SREK1: variants seen among roughly 807,000 people sequenced by gnomAD.
SREK1 encodes the protein splicing regulatory glutamic acid and lysine rich protein 1.
SREK1 carries 13 observed loss-of-function variants against 66.5 expected under a neutral mutation model. The ratio of observed to expected loss-of-function variants is 0.20; its 90% CI spans 0.13 to 0.31. SREK1 has a LOEUF of 0.31. Ranked by LOEUF, SREK1 falls within the 10% of genes least tolerant of loss-of-function variation. SREK1 has a pLI of 1.00. For synonymous variants in SREK1, 265 were observed against 263.5 expected, an observed-to-expected ratio of 1.01 and a Z score of -0.05; for missense variants, 607 against 769.6, an observed-to-expected ratio of 0.79 and a Z score of 2.50.
intron 3 of SREK1, among the ~76,000 whole-genome samples, chr5:66,160,022 C>T (rs183886870): frequency 9.2e-4 from 139 of 151,730 alleles, no homozygotes; most frequent in African/African-American, 3.3e-3. Flanking sequence ...CCCAGCTGCT[C>T]GGGAGGCCGA....
In SREK1 at chr5:66,176,221, G is replaced by A. The variant is rs80348960; in HGVS notation, c.1580+1180G>A. On this transcript the variant is annotated intron_variant, in intron 10 of 11. Transcript: ENST00000334121. ...TAGTTTGATATGTTGCCTTTGTCATGTGCTGTGTTTTTCTGTGTGTTTGGG... is the reference window on the plus strand; with the variant it reads ...TAGTTTGATATGTTGCCTTTGTCATATGCTGTGTTTTTCTGTGTGTTTGGG... 5.9e-3 allele frequency among the ~76,000 whole-genome samples: 904 copies of A among 152,210 alleles called. 14 individuals are homozygous for A. The highest frequency in any genetic ancestry group is 0.021 in the African/African-American group (867 of 41,548).
intron 2 of SREK1, chr5:66,156,193 T>A: frequency 7.7e-7 from 1 of 1,292,628 alleles, no homozygotes; most frequent in Non-Finnish European, 9.8e-7. Flanking sequence ...CCGCAGAAGA[T>A]GGACGCCCTG....
chr5:66,164,791 A>G lies in SREK1; in HGVS notation c.895A>G (p.Lys299Glu). 6.2e-7 allele frequency: 1 copy of G among 1,614,080 alleles called. No individual in the cohort carries two copies. Among genetic ancestry groups the G allele is most frequent in the African/African-American group, 1.3e-5 (1 of 75,056 alleles). Residue 299 changes from lysine to glutamate, a missense_variant, in exon 7 of 12, where the codon AAG becomes GAG. Transcript: ENST00000334121. ...TGATTTTTTCCTCCCAGAGTCTGGA[A>G]AGAGCAATGAAAGAAAAGGCGGTCG... The part of the protein sequence containing the change: ...ISAAIEPESG[K>E]SNERKGGRSR...
rs1370539119 is a variant in SREK1 at position 66,159,265 on chromosome 5, T to A, written c.342T>A (p.Ala114=). The A allele has an allele frequency of 1.9e-6, 3 of 1,613,754 alleles. No individual in the cohort carries two copies. Residue 114 remains alanine (A), a synonymous_variant, in exon 3 of 12, where the codon GCT becomes GCA. Coordinates refer to ENST00000334121, the MANE Select transcript of SREK1 (RefSeq NM_001077199.3). ...ESKALSLLAP[A]PTMTSLMPGA... is the part of the protein sequence containing the mutation. ...AAGCCCTCTCTTTATTGGCTCCTGC[T>A]CCAACCATGACAAGTCTGATGCCTG...
intron 10 of SREK1, among the ~76,000 whole-genome samples, chr5:66,175,273 C>T (rs1345159363): frequency 2.0e-5 from 3 of 152,114 alleles, no homozygotes; most frequent in Non-Finnish European, 4.4e-5. Flanking sequence ...TATATGCTTC[C>T]AGTTTCATAT....
Position 66,170,598 on chromosome 5 carries a change from G to C in SREK1, c.1135G>C (p.Asp379His). The change falls in exon 9 of 12, where the codon GAC becomes CAC. Residue 379 changes from aspartate (D) to histidine (H), a missense_variant. Physicochemically the swap from Asp to His is moderately conservative, Grantham distance 81. This residue lies in a region of SREK1 where 318 missense variants were observed against 310.3 expected (regional missense o/e 1.02). Coordinates refer to ENST00000334121, the MANE Select transcript of SREK1 (RefSeq NM_001077199.3). ...SRSHSRDKRK[D>H]TREKIKEKER... ...TTGTTTTTAAAGGGACAAGAGAAAA[G>C]ACACTCGAGAAAAGATCAAGGAAAA... The C allele has an allele frequency of 6.3e-7, 1 of 1,596,126 alleles. No individual in the cohort carries two copies. Among genetic ancestry groups the C allele is most frequent in the Non-Finnish European group, 8.5e-7 (1 of 1,175,358 alleles).
At position 66,157,655 on chromosome 5, in the gene SREK1, A is replaced by C. The variant is rs554903780; in HGVS notation, c.296-1564A>C. On this transcript the variant is annotated intron_variant, in intron 2 of 11. Coordinates refer to ENST00000334121, the MANE Select transcript of SREK1 (RefSeq NM_001077199.3). ...TTATTTGATGTTTTCAGTAAGGCCT[A>C]CCTGCCTTTTGTTGATGCATGTTAA... 5 of 969,666 alleles carry C rather than the reference A, an allele frequency of 5.2e-6. No individual in the cohort carries two copies. The South Asian group carries it at 2.4e-4, about 46-fold the overall frequency. The allele number at this position is 969,666 out of a possible 1,614,324, so 60.1% of individuals were successfully genotyped here. A position where few individuals can be genotyped will look rare whatever the true frequency, so the allele number is the denominator to read the frequency against.
At chr5:66,151,488 A>G (rs1268241519) in intron 1 of SREK1, among the ~76,000 whole-genome samples, 2 of 152,184 alleles carry the variant, frequency 1.3e-5, no homozygotes, top group East Asian at 1.9e-4. Context: ...GGGTAGTATG[A>G]TATCTTTTAC....
At chr5:66,158,737 T>C (rs748989294) in intron 2 of SREK1, 8 of 1,204,088 alleles carry the variant, frequency 6.6e-6, no homozygotes, top group Non-Finnish European at 8.6e-6. Context: ...AATTTGGTTA[T>C]TTGCCATTTC....
At chr5:66,144,628 C>A (rs937899279) in intron 1 of SREK1, 91 bp downstream of exon 1, 12 of 1,450,242 alleles carry the variant, frequency 8.3e-6, no homozygotes, top group Non-Finnish European at 1.1e-5. Flanking sequence ...CGCGGGCGCG[C>A]GGTGCATGTC....
chr5:66,170,429 C>T (rs1745534635), intron 8 of SREK1, among the ~76,000 whole-genome samples, 156 bp from the exon 9 acceptor site: 1 of 152,134 alleles, frequency 6.6e-6, no homozygotes, highest in Non-Finnish European at 1.5e-5. Flanking sequence ...CTTTGTTTAG[C>T]AGCTTCTTGT....
At chr5:66,148,396 TA>T (rs1743453776) in intron 1 of SREK1, among the ~76,000 whole-genome samples, 2 of 152,308 alleles carry the variant, frequency 1.3e-5, no homozygotes, top group East Asian at 1.9e-4. Flanking sequence ...TTATGTTTAA[TA>T]AAAGACAAAA....
At chr5:66,144,658 C>T (rs537163790) in intron 1 of SREK1, 121 bp downstream of exon 1, 34 of 1,415,612 alleles carry the variant, frequency 2.4e-5, no homozygotes, top group Non-Finnish European at 3.1e-5. Context: ...CGCCGGCTTA[C>T]CTTGGTGCCC....
chr5:66,145,263 C>G, intron 1 of SREK1: 7 of 663,106 alleles, frequency 1.1e-5, no homozygotes, highest in Non-Finnish European at 1.3e-5. Context: ...GCGGCCACTT[C>G]CCAGATAGTG....
At position 66,162,120 on chromosome 5, in the gene SREK1, A is replaced by G; in HGVS notation, c.423A>G (p.Ser141=). ...TPNPLTTLGV[S]LSSLGAIPAA... ...TCTTCTTTCGATAGCTTGGTGTTTCACTTAGCAGTTTGGGAGCTATACCAG... is the reference window on the plus strand; with the variant it reads ...TCTTCTTTCGATAGCTTGGTGTTTCGCTTAGCAGTTTGGGAGCTATACCAG... The change falls in exon 4 of 12, where the codon TCA becomes TCG. Residue 141 remains serine (S), a synonymous_variant. Transcript: ENST00000334121. 1.2e-6 allele frequency: 2 copies of G among 1,611,932 alleles called. No individual in the cohort carries two copies. Among genetic ancestry groups the G allele is most frequent in the East Asian group, 2.2e-5 (1 of 44,850 alleles).
chr5:66,148,727 G>T (rs1743488803), intron 1 of SREK1, among the ~76,000 whole-genome samples: 1 of 152,170 alleles, frequency 6.6e-6, no homozygotes, highest in Non-Finnish European at 1.5e-5. Context: ...ATCCTAAAGT[G>T]CTGGGGTGAC....
chr5:66,181,026 T>C lies in SREK1; in HGVS notation c.*2158T>C, dbSNP rs1166484569. 2.6e-5 allele frequency: 4 copies of C among 152,246 alleles called. No homozygotes were observed. Among genetic ancestry groups the C allele is most frequent in the African/African-American group, 9.6e-5 (4 of 41,474 alleles). 9.4% of individuals were successfully genotyped at this position (152,246 alleles called of 1,614,324 possible). ...GTCATTTAAAGTATGAGTGTTTTCT[T>C]GTACTCTGGACCTATTACATGTTTC... On this transcript the variant is annotated 3_prime_UTR_variant, in exon 12 of 12. Coordinates refer to ENST00000334121, the MANE Select transcript of SREK1 (RefSeq NM_001077199.3).
intron 9 of SREK1, 54 bp downstream of exon 9, chr5:66,171,001 C>A (rs1269520815): frequency 1.3e-6 from 2 of 1,541,880 alleles, no homozygotes; most frequent in East Asian, 4.5e-5. Context: ...CAATTGGAAA[C>A]AAAATTTTTT....
In SREK1 at chr5:66,170,723, A is replaced by G; in HGVS notation, c.1260A>G (p.Glu420=). The G allele has an allele frequency of 6.2e-7, 1 of 1,604,176 alleles. No homozygotes were observed. Among genetic ancestry groups the G allele is most frequent in the Non-Finnish European group, 8.5e-7 (1 of 1,174,652 alleles). Residue 420 remains glutamate, a synonymous_variant, in exon 9 of 12, where the codon GAA becomes GAG. Coordinates refer to ENST00000334121, the MANE Select transcript of SREK1 (RefSeq NM_001077199.3). The stretch of plus-strand genomic sequence containing the variant: ...GTAAAAACAAAGACCGGGACAAGGA[A>G]CGGGAAAAGGACCGGGAAAAAGACA... ...ERGKNKDRDK[E]REKDREKDKE...
Sources: allele counts gnomAD v4.1 joint callset (sites outside exome capture counted in the v4.1 genomes callset), GRCh38; gene constraint gnomAD v4.1.1; regional missense constraint gnomAD v4.1.1; transcripts MANE v1.5; gene names NCBI Gene and HGNC (gene_info 2026-07-23, HGNC 2026-07-21).